Variants in PAK6 observed in about 807,000 individuals in gnomAD.
PAK6 encodes serine/threonine-protein kinase PAK 6.
A neutral mutation model predicts 60.8 loss-of-function variants in PAK6; 33 were observed. That is an observed-to-expected ratio of 0.54 (90% CI 0.41 to 0.73). The LOEUF (loss-of-function observed/expected upper bound fraction) is 0.73, where lower values mean the gene tolerates loss of function less well. Ranked by LOEUF, PAK6 falls within the 30% of genes least tolerant of loss-of-function variation. The probability of loss-of-function intolerance (pLI) is 0.00; values close to 1 mark genes in which losing one functional copy is unlikely to be tolerated. For missense variants in PAK6, 845 were observed against 904.1 expected, an observed-to-expected ratio of 0.93 and a Z score of 0.84; for synonymous variants, 404 against 378.5, an observed-to-expected ratio of 1.07 and a Z score of -0.78.
At position 40,274,379 on chromosome 15, in the gene PAK6, G is replaced by A. The variant is rs1005748901; in HGVS notation, c.1878+103G>A. 10 of 1,260,664 alleles carry A rather than the reference G, an allele frequency of 7.9e-6. No individual in the cohort carries two copies. In the African/African-American group the frequency reaches 1.5e-4, roughly 19 times the overall value. 78.1% of individuals were successfully genotyped at this position (1,260,664 alleles called of 1,614,324 possible). ...CATCTCCCTTCCACTGAAGCCACAG[G>A]GTCTGGGCTCCTGGAAAAGGCTCCT... On this transcript the variant is annotated intron_variant, in intron 10 of 10. Coordinates refer to ENST00000560346, the Ensembl canonical transcript of PAK6.
At chr15:40,265,863 A>G (rs2412504) in exon 5 of PAK6, 144,944 of 1,547,080 alleles carry the variant, frequency 0.094, 8,905 homozygotes, top group African/African-American at 0.28. Context: ...GGGCAGCGCG[A>G]TGCCTGTGGA....
exon 11 of PAK6, chr15:40,275,932 C>T (rs762033045): frequency 1.4e-5 from 23 of 1,612,802 alleles, no homozygotes; most frequent in Non-Finnish European, 1.9e-5. Context: ...TACAGGTCTC[C>T]CCAGTGCTGC....
chr15:40,246,442 T>A (rs1178126737), intron 2 of PAK6: 2 of 152,186 alleles, frequency 1.3e-5, no homozygotes, highest in African/African-American at 4.8e-5. Context: ...ATGATGTGTC[T>A]GGGATCCAGA....
intron 2 of PAK6, among the ~76,000 whole-genome samples, chr15:40,243,364 G>A (rs2038410281): frequency 6.6e-6 from 1 of 152,172 alleles, no homozygotes; most frequent in Non-Finnish European, 1.5e-5. Context: ...TCTTCCTGGT[G>A]ACTCGGGCAA....
At chr15:40,275,515 G>A (rs1026620994) in intron 10 of PAK6, among the ~76,000 whole-genome samples, 1 of 151,942 alleles carries the variant, frequency 6.6e-6, no homozygotes, top group African/African-American at 2.4e-5. Context: ...ACGAACTCCT[G>A]ACCTCGTAAT....
chr15:40,265,780 C>A, intron 4 of PAK6, 62 bp from the exon 5 acceptor site: 2 of 1,458,930 alleles, frequency 1.4e-6, no homozygotes, highest in East Asian at 2.4e-5. Context: ...CCTGATCTCC[C>A]AGCCACCCCT....
At chr15:40,241,500 TCC>T (rs2038336857) in intron 2 of PAK6, among the ~76,000 whole-genome samples, 2 of 151,512 alleles carry the variant, frequency 1.3e-5, no homozygotes, top group African/African-American at 2.4e-5. Flanking sequence ...AAGCAAGGAG[TCC>T]CCTCTGCAGG....
intron 9 of PAK6, 171 bp from the exon 10 acceptor site, chr15:40,273,971 A>T: frequency 1.3e-6 from 1 of 768,806 alleles, no homozygotes; most frequent in Admixed American, 2.3e-5. Context: ...GGCAGTGGTC[A>T]CTCATGCAGG....
chr15:40,266,118 C>T (rs1336724077), exon 5 of PAK6: 1 of 1,607,874 alleles, frequency 6.2e-7, no homozygotes, highest in Non-Finnish European at 8.5e-7. Context: ...GATGCCGTGG[C>T]CCGAGCCACA....
At chr15:40,264,267 G>A (rs2039060001) in intron 3 of PAK6, among the ~76,000 whole-genome samples, 2 of 151,668 alleles carry the variant, frequency 1.3e-5, no homozygotes, top group Non-Finnish European at 2.9e-5. Context: ...TATACTGTTG[G>A]ATTCAATTCG....
intron 2 of PAK6, among the ~76,000 whole-genome samples, chr15:40,243,854 T>C (rs1020986583): frequency 1.3e-5 from 2 of 152,234 alleles, no homozygotes; most frequent in Non-Finnish European, 2.9e-5. Context: ...AGAGCCGGGC[T>C]GTGGCCCTGG....
At chr15:40,252,310 C>A in intron 2 of PAK6, 1 of 1,240,386 alleles carries the variant, frequency 8.1e-7, no homozygotes, top group Non-Finnish European at 1.0e-6. Flanking sequence ...GGTCGGGTCT[C>A]CGCGAGGCGG....
chr15:40,244,199 C>G (rs112429249), intron 2 of PAK6, among the ~76,000 whole-genome samples: 11 of 151,560 alleles, frequency 7.3e-5, no homozygotes, highest in Non-Finnish European at 1.2e-4. Flanking sequence ...GACGTGGTGG[C>G]GCGTGCCTGT....
chr15:40,239,222 G>C (rs2038248320), upstream of PAK6: 1 of 152,186 alleles, frequency 6.6e-6, no homozygotes, highest in Admixed American at 6.5e-5. Flanking sequence ...GAGCGGCCTC[G>C]CCTGCCAGGC....
chr15:40,242,094 T>C (rs1220266789), intron 2 of PAK6, among the ~76,000 whole-genome samples: 1 of 151,910 alleles, frequency 6.6e-6, no homozygotes, highest in East Asian at 1.9e-4. Context: ...GGGCAGCAGG[T>C]TGGGCCAGGA....
chr15:40,266,384 T>C (rs760060100), exon 5 of PAK6: 1 of 1,613,062 alleles, frequency 6.2e-7, no homozygotes, highest in East Asian at 2.2e-5. Flanking sequence ...GCCCTAGCCC[T>C]AAGACCCGGG....
chr15:40,275,344 G>A (rs2039428103), intron 10 of PAK6, among the ~76,000 whole-genome samples: 1 of 122,584 alleles, frequency 8.2e-6, no homozygotes, highest in Non-Finnish European at 1.6e-5. Flanking sequence ...GGAATGCAGT[G>A]GTGCGATCTC....
chr15:40,266,495 G>T (rs1478888396), exon 5 of PAK6: 5 of 1,595,280 alleles, frequency 3.1e-6, no homozygotes, highest in Non-Finnish European at 4.3e-6. Context: ...CACAGAGCAA[G>T]GTAAGTCAGG....
intron 5 of PAK6, among the ~76,000 whole-genome samples, chr15:40,271,808 G>A (rs1221067727): frequency 5.3e-5 from 8 of 152,196 alleles, no homozygotes; most frequent in Non-Finnish European, 1.0e-4. Context: ...GGGGAGCCTT[G>A]GGAGTGAAGA....
Sources: gnomAD v4.1 joint callset for allele counts (sites outside exome capture counted in the v4.1 genomes callset) on GRCh38, gnomAD v4.1.1 for gene constraint, MANE v1.5 for transcripts, NCBI Gene and HGNC (gene_info 2026-07-23, HGNC 2026-07-21) for gene names.